The following LTBP1 variants were observed in gnomAD, a reference collection of about 807,000 sequenced individuals.
The protein encoded by LTBP1 is latent transforming growth factor beta binding protein 1.
In LTBP1, 129 loss-of-function variants were observed where a neutral mutation model predicts 207.6. That is an observed-to-expected ratio of 0.62 (90% CI 0.54 to 0.72). The LOEUF is 0.72. Ranked by LOEUF, LTBP1 falls within the 30% of genes least tolerant of loss-of-function variation. The pLI is 0.00. For missense variants in LTBP1, 2,281 were observed against 2,217.2 expected (o/e 1.03, Z -0.58); for synonymous variants, 963 against 833.7 (o/e 1.16, Z -2.67).
intron 4 of LTBP1, among the ~76,000 whole-genome samples, chr2:33,132,756 T>C (rs1233745257): frequency 6.6e-6 from 1 of 152,184 alleles, no homozygotes; most frequent in African/African-American, 2.4e-5. Flanking sequence ...AATGGAGGGC[T>C]TTCTCCTCCA....
chr2:33,137,199 G>A (rs963149664), intron 5 of LTBP1, among the ~76,000 whole-genome samples: 1 of 152,076 alleles, frequency 6.6e-6, no homozygotes, highest in African/African-American at 2.4e-5. Flanking sequence ...CTGGTTTAGT[G>A]TAATTTTATT....
intron 2 of LTBP1, 60 bp downstream of exon 2, chr2:32,949,005 A>T: frequency 1.9e-6 from 3 of 1,541,250 alleles, no homozygotes; most frequent in Non-Finnish European, 9.0e-7. Flanking sequence ...AGGTGTCCAC[A>T]TGGGGGCATC....
At chr2:33,339,320 TGA>T (rs1193385149) in intron 24 of LTBP1, among the ~76,000 whole-genome samples, 1 of 152,156 alleles carries the variant, frequency 6.6e-6, no homozygotes, top group Non-Finnish European at 1.5e-5. Flanking sequence ...GGTAAATTTT[TGA>T]GAGAGACTGG....
rs1354928350 is a variant in LTBP1, at chr2:33,386,009, A to G, written c.4712-3175A>G. Among the ~76,000 whole-genome samples the G allele has an allele frequency of 2.0e-5, 3 of 152,096 alleles. No individual in the cohort carries two copies. The East Asian group carries it at 5.8e-4, about 29-fold the overall frequency. Reference sequence around the variant, plus strand: ...AGGGGAAGAAAGGAAAGGAAGGAGGATGTGGAATATCCCAGAAGTACCTCC... The same window carrying G: ...AGGGGAAGAAAGGAAAGGAAGGAGGGTGTGGAATATCCCAGAAGTACCTCC... On this transcript the variant is annotated intron_variant, in intron 31 of 33. Coordinates refer to ENST00000404816, the MANE Select transcript of LTBP1 (RefSeq NM_206943.4).
intron 2 of LTBP1, among the ~76,000 whole-genome samples, chr2:32,960,976 A>G (rs560546677): frequency 6.6e-6 from 1 of 152,376 alleles, no homozygotes; most frequent in East Asian, 1.9e-4. Context: ...TGTACAACAC[A>G]AGCACAGTCA....
intron 3 of LTBP1, among the ~76,000 whole-genome samples, chr2:33,077,940 C>T (rs573422620): frequency 1.3e-5 from 2 of 152,200 alleles, no homozygotes; most frequent in African/African-American, 4.8e-5. Context: ...AAAGCAGGAT[C>T]CGAACAGGAG....
At chr2:33,056,920 G>A (rs111600534) in intron 3 of LTBP1, among the ~76,000 whole-genome samples, 16,367 of 152,152 alleles carry the variant, frequency 0.11, 1,015 homozygotes, top group Non-Finnish European at 0.14. Flanking sequence ...CAGAGAGCCA[G>A]TTGGTCTGTT....
At chr2:33,176,521 G>C (rs1456196153) in intron 5 of LTBP1, among the ~76,000 whole-genome samples, 1 of 149,630 alleles carries the variant, frequency 6.7e-6, no homozygotes, top group Non-Finnish European at 1.5e-5. Context: ...CACCATGCCT[G>C]GCTGACAACA....
At chr2:33,350,285 A>G (rs573110524) in intron 26 of LTBP1, among the ~76,000 whole-genome samples, 14 of 152,330 alleles carry the variant, frequency 9.2e-5, no homozygotes, top group South Asian at 8.3e-4. Flanking sequence ...AACAATGAGC[A>G]GTAGCATGAT....
In LTBP1 at chr2:33,030,509, C is replaced by T. The variant is rs189794061; in HGVS notation, c.863+9303C>T. 1.7e-3 allele frequency among the ~76,000 whole-genome samples: 259 copies of T among 152,304 alleles called. 2 individuals are homozygous for T. Among genetic ancestry groups the T allele is most frequent in the Non-Finnish European group, 3.3e-3 (225 of 68,030 alleles). ...TCCGTGTAGTGAGGCAGGCATTTCACACCTTAATTGCTTTAACGTCTTGAA... is the reference window on the plus strand; with the variant it reads ...TCCGTGTAGTGAGGCAGGCATTTCATACCTTAATTGCTTTAACGTCTTGAA... On this transcript the variant is annotated intron_variant, in intron 3 of 33. Transcript: ENST00000404816.
intron 2 of LTBP1, among the ~76,000 whole-genome samples, chr2:32,953,348 A>T (rs1436550570): frequency 1.3e-5 from 2 of 152,058 alleles, no homozygotes; most frequent in African/African-American, 2.4e-5. Context: ...GCCCAGAGTG[A>T]TTATATATTT....
At chr2:33,236,067 A>G (rs1447547196) in intron 9 of LTBP1, among the ~76,000 whole-genome samples, 2 of 152,186 alleles carry the variant, frequency 1.3e-5, no homozygotes, top group Non-Finnish European at 2.9e-5. Context: ...AAAAAGATGA[A>G]ACTTAGAATA....
intron 2 of LTBP1, among the ~76,000 whole-genome samples, chr2:32,973,133 C>G (rs1009080901): frequency 1.3e-5 from 2 of 152,028 alleles, no homozygotes; most frequent in Admixed American, 1.3e-4. Flanking sequence ...GTTGTTGAGA[C>G]TTCTGTGGAT....
chr2:33,013,227 C>T (rs1687910612), intron 2 of LTBP1, among the ~76,000 whole-genome samples: 1 of 152,118 alleles, frequency 6.6e-6, no homozygotes, highest in African/African-American at 2.4e-5. Flanking sequence ...ACCTCCTTTG[C>T]AGCACTTAGT....
chr2:33,093,347 G>A (rs888018954), intron 3 of LTBP1, among the ~76,000 whole-genome samples: 3 of 151,930 alleles, frequency 2.0e-5, no homozygotes, highest in Non-Finnish European at 4.4e-5. Flanking sequence ...CTCCTATTCA[G>A]TGAGATAGCC....
chr2:33,175,661 C>T (rs1050061819), intron 5 of LTBP1, among the ~76,000 whole-genome samples: 1 of 152,112 alleles, frequency 6.6e-6, no homozygotes, highest in Admixed American at 6.6e-5. Flanking sequence ...TGGGTATATA[C>T]CCAAAGGACT....
intron 3 of LTBP1, among the ~76,000 whole-genome samples, chr2:33,088,119 C>A (rs928772407): frequency 6.6e-6 from 1 of 152,176 alleles, no homozygotes; most frequent in African/African-American, 2.4e-5. Context: ...GAAGTGATTG[C>A]TTTTATGGCA....
At chr2:32,992,234 A>G (rs1023518497) in intron 2 of LTBP1, among the ~76,000 whole-genome samples, 4 of 152,204 alleles carry the variant, frequency 2.6e-5, no homozygotes, top group African/African-American at 7.2e-5. Context: ...TTGGAAAAGC[A>G]CACAGATTGA....
At chr2:33,397,674 A>ATTTTTT (rs71409616) in intron 33 of LTBP1, among the ~76,000 whole-genome samples, 2 of 117,496 alleles carry the variant, frequency 1.7e-5, no homozygotes, top group Non-Finnish European at 1.7e-5. Flanking sequence ...CACCCGGCTA[A>ATTTTTT]TTTTTTTTTT....
Sources: gnomAD v4.1 joint callset for allele counts (sites outside exome capture counted in the v4.1 genomes callset) on GRCh38, gnomAD v4.1.1 for gene constraint, MANE v1.5 for transcripts, NCBI Gene and HGNC (gene_info 2026-07-23, HGNC 2026-07-21) for gene names.